Variants in ARHGEF28 observed in about 807,000 individuals in gnomAD.
The protein encoded by ARHGEF28 is 190 kDa guanine nucleotide exchange factor.
ARHGEF28 carries 152 observed loss-of-function variants against 206.6 expected under a neutral mutation model. The ratio of observed to expected loss-of-function variants is 0.74; its 90% CI spans 0.64 to 0.84. The LOEUF (loss-of-function observed/expected upper bound fraction) is 0.84, where lower values mean the gene tolerates loss of function less well. ARHGEF28 is among the 40% of genes least tolerant of loss of function. The probability of loss-of-function intolerance (pLI) is 0.00; values close to 1 mark genes in which losing one functional copy is unlikely to be tolerated. For missense variants in ARHGEF28, 2,028 were observed against 2,073.2 expected, an observed-to-expected ratio of 0.98 and a Z score of 0.42; for synonymous variants, 763 against 776.4, an observed-to-expected ratio of 0.98 and a Z score of 0.29.
At chr5:73,828,514 A>T (rs1373654726) in intron 9 of ARHGEF28, among the ~76,000 whole-genome samples, 1 of 150,868 alleles carries the variant, frequency 6.6e-6, no homozygotes, top group Non-Finnish European at 1.5e-5. Context: ...CCTTCACAAG[A>T]CTTACTGTCT....
chr5:73,920,572 C>T (rs1363402545), intron 35 of ARHGEF28, among the ~76,000 whole-genome samples: 10 of 99,600 alleles, frequency 1.0e-4, no homozygotes, highest in South Asian at 4.0e-4. Flanking sequence ...TTTTTTGAGA[C>T]GGAGTCTCAC....
intron 24 of ARHGEF28, among the ~76,000 whole-genome samples, chr5:73,884,923 C>A (rs1397964407): frequency 2.6e-5 from 4 of 152,052 alleles, no homozygotes; most frequent in Non-Finnish European, 5.9e-5. Context: ...TCCGTTAGCA[C>A]AGCACTTGGG....
chr5:73,793,880 C>T (rs778697215), intron 7 of ARHGEF28, among the ~76,000 whole-genome samples: 3 of 151,712 alleles, frequency 2.0e-5, no homozygotes, highest in East Asian at 1.9e-4. Flanking sequence ...AGAGGACACC[C>T]GGTGTGCCCG....
At chr5:73,729,653 A>T (rs183996673) in intron 2 of ARHGEF28, among the ~76,000 whole-genome samples, 139 of 152,310 alleles carry the variant, frequency 9.1e-4, no homozygotes, top group Middle Eastern at 3.4e-3. Context: ...TTATTTAGTC[A>T]CCGATCACAT....
At chr5:73,656,617 C>G (rs185292385) in intron 1 of ARHGEF28, among the ~76,000 whole-genome samples, 1 of 152,298 alleles carries the variant, frequency 6.6e-6, no homozygotes, top group East Asian at 1.9e-4. Context: ...AGCACATCCT[C>G]CTGCATCTAC....
chr5:73,754,056 A>G (rs1752173386), intron 4 of ARHGEF28, among the ~76,000 whole-genome samples: 1 of 152,200 alleles, frequency 6.6e-6, no homozygotes. Flanking sequence ...TAAATACAAC[A>G]TATATTATTG....
chr5:73,657,831 C>T (rs1430021571), intron 1 of ARHGEF28, among the ~76,000 whole-genome samples: 1 of 152,140 alleles, frequency 6.6e-6, no homozygotes, highest in African/African-American at 2.4e-5. Flanking sequence ...TTTGGGGGTA[C>T]TGCCTTATTT....
At chr5:73,827,546 T>G (rs1756988088) in intron 9 of ARHGEF28, among the ~76,000 whole-genome samples, 1 of 152,206 alleles carries the variant, frequency 6.6e-6, no homozygotes, top group Non-Finnish European at 1.5e-5. Flanking sequence ...GATCAGGAAA[T>G]GCAAGCACAG....
chr5:73,926,730 GC>G (rs1401061707), intron 35 of ARHGEF28, among the ~76,000 whole-genome samples: 1 of 152,202 alleles, frequency 6.6e-6, no homozygotes, highest in African/African-American at 2.4e-5. Flanking sequence ...CTGGAAGCTT[GC>G]TCTCTTTGGA....
chr5:73,873,276 A>G lies in ARHGEF28; in HGVS notation c.2814+30A>G, dbSNP rs74904002. 2,877 of 1,581,664 alleles carry G rather than the reference A, an allele frequency of 1.8e-3. 81 individuals are homozygous for G. The East Asian group carries it at 0.058, about 32-fold the overall frequency. ...GAAGAGCTTAAAGTCCTTGACCTTT[A>G]TGACGTAAGTGGGATTTGAATCAAA... On this transcript the variant is annotated intron_variant, in intron 22 of 35. Coordinates refer to ENST00000513042, the MANE Select transcript of ARHGEF28 (RefSeq NM_001177693.2).
At chr5:73,729,714 C>T (rs974232514) in intron 2 of ARHGEF28, among the ~76,000 whole-genome samples, 13 of 152,136 alleles carry the variant, frequency 8.5e-5, no homozygotes, top group Admixed American at 4.6e-4. Flanking sequence ...CATATCTTTC[C>T]TCGATAAGGT....
rs1762257033 is a variant in ARHGEF28, at chr5:73,901,309, A to G, written c.4074+25A>G. 3 of 1,594,934 alleles carry G rather than the reference A, an allele frequency of 1.9e-6. No individual in the cohort carries two copies. The African/African-American group carries it at 4.0e-5, about 21-fold the overall frequency. ...GGTATTGTGAACTGATTTGTTAGTAAACGGCAGCGGTTACTGTGTATAATA... is the reference window on the plus strand; with the variant it reads ...GGTATTGTGAACTGATTTGTTAGTAGACGGCAGCGGTTACTGTGTATAATA... On this transcript the variant is annotated intron_variant, in intron 31 of 35. Transcript: ENST00000513042.
intron 35 of ARHGEF28, among the ~76,000 whole-genome samples, chr5:73,934,927 C>G (rs376213408): frequency 6.1e-4 from 93 of 152,186 alleles, no homozygotes; most frequent in African/African-American, 2.1e-3. Context: ...AATTGTTTGC[C>G]CCATACTCCC....
intron 4 of ARHGEF28, among the ~76,000 whole-genome samples, chr5:73,773,237 G>T (rs989679258): frequency 1.3e-5 from 2 of 152,206 alleles, no homozygotes; most frequent in African/African-American, 4.8e-5. Context: ...GGCCCTCTGT[G>T]CAGGGGCCTT....
intron 35 of ARHGEF28, chr5:73,923,284 T>TAA (rs3833638): frequency 0.03 from 25,306 of 830,992 alleles, 580 homozygotes; most frequent in Admixed American, 0.12. Flanking sequence ...TAAAGCATGG[T>TAA]AAAAAAAAAT....
intron 24 of ARHGEF28, among the ~76,000 whole-genome samples, chr5:73,885,061 TATATTC>T (rs1354621209): frequency 6.6e-6 from 1 of 152,174 alleles, no homozygotes; most frequent in African/African-American, 2.4e-5. Context: ...ATAATAGTAA[TATATTC>T]ATATTTATGC....
chr5:73,931,367 T>C (rs1764105504), intron 35 of ARHGEF28, among the ~76,000 whole-genome samples: 1 of 152,216 alleles, frequency 6.6e-6, no homozygotes, highest in Non-Finnish European at 1.5e-5. Context: ...TATTAGACTC[T>C]TTCACTTTAG....
chr5:73,936,736 A>C (rs1353552796), intron 35 of ARHGEF28, among the ~76,000 whole-genome samples: 2 of 152,100 alleles, frequency 1.3e-5, no homozygotes, highest in Non-Finnish European at 2.9e-5. Context: ...TTTTACTTTT[A>C]TTTTTATTTT....
Position 73,753,221 on chromosome 5 carries a change from A to G in ARHGEF28, c.475+19A>G. 1 of 1,515,568 alleles carries G rather than the reference A, an allele frequency of 6.6e-7. No individual in the cohort carries two copies. Among genetic ancestry groups the G allele is most frequent in the Non-Finnish European group, 8.8e-7 (1 of 1,133,726 alleles). The allele number at this position is 1,515,568 out of a possible 1,614,324, so 93.9% of individuals were successfully genotyped here. A position where few individuals can be genotyped will look rare whatever the true frequency, so the allele number is the denominator to read the frequency against. ...CTTGAAGGTGGGTCATCACCAGAAA[A>G]TTCAGATATCCCCTCTGTGTGTCAA... On this transcript the variant is annotated intron_variant, in intron 4 of 35. Coordinates refer to ENST00000513042, the MANE Select transcript of ARHGEF28 (RefSeq NM_001177693.2).
Sources: gnomAD v4.1 joint callset for allele counts (sites outside exome capture counted in the v4.1 genomes callset) on GRCh38, gnomAD v4.1.1 for gene constraint, MANE v1.5 for transcripts, NCBI Gene and HGNC (gene_info 2026-07-23, HGNC 2026-07-21) for gene names.